NIN: variants seen among roughly 807,000 people sequenced by gnomAD.
NIN encodes the protein glycogen synthase kinase 3 beta-interacting protein.
NIN carries 137 observed loss-of-function variants against 257.6 expected under a neutral mutation model. The ratio of observed to expected loss-of-function variants is 0.53; its 90% CI spans 0.46 to 0.61. NIN has a LOEUF of 0.61. NIN is among the 20% of genes least tolerant of loss of function. NIN has a pLI of 0.00. For missense variants in NIN, 2,439 were observed against 2,501.2 expected (o/e 0.98, Z 0.53); for synonymous variants, 918 against 919.8 (o/e 1.00, Z 0.04).
chr14:50,754,306 C>T (rs567585026), intron 20 of NIN, among the ~76,000 whole-genome samples: 1 of 152,262 alleles, frequency 6.6e-6, no homozygotes, highest in East Asian at 1.9e-4. Context: ...TTAGAGGTAT[C>T]ACCTCCTCAA....
intron 5 of NIN, among the ~76,000 whole-genome samples, chr14:50,786,003 G>A (rs1481839404): frequency 6.6e-6 from 1 of 152,194 alleles, no homozygotes; most frequent in Non-Finnish European, 1.5e-5. Flanking sequence ...ACAAGTGCAT[G>A]CGGGGGATGA....
intron 25 of NIN, among the ~76,000 whole-genome samples, chr14:50,740,370 A>T (rs2041220826): frequency 6.8e-6 from 1 of 147,144 alleles, no homozygotes; most frequent in Non-Finnish European, 1.5e-5. Context: ...TTTTTTTGAG[A>T]CAAAGTCTAG....
intron 29 of NIN, among the ~76,000 whole-genome samples, chr14:50,726,920 T>C (rs2040434145): frequency 6.6e-6 from 1 of 152,178 alleles, no homozygotes; most frequent in Non-Finnish European, 1.5e-5. Flanking sequence ...AGTCAAAGGC[T>C]ACCATCTGTT....
In NIN at chr14:50,759,496, CTT is replaced by C. The variant is rs35589008; in HGVS notation, c.2399+359_2399+360del. Among the ~76,000 whole-genome samples, 236 of 142,358 alleles carry C rather than the reference CTT, an allele frequency of 1.7e-3. 1 individual carries two copies. In the South Asian group the frequency reaches 0.034, roughly 21 times the overall value. The allele number at this position is 142,358 out of a possible 152,430, so 93.4% of individuals were successfully genotyped here. ...CTTCAAGTCTCTTAAGCGACTGGCA[CTT>C]TTTTTTTTTTTTTGAGACGGAGTCT... On this transcript the variant is annotated intron_variant, in intron 17 of 30. Transcript: ENST00000530997.
Position 50,757,989 on chromosome 14 carries a change from C to A in NIN, c.3041G>T (p.Arg1014Ile), listed in dbSNP as rs1405005195. 1 of 1,614,080 alleles carries A rather than the reference C, an allele frequency of 6.2e-7. No individual in the cohort carries two copies. Among genetic ancestry groups the A allele is most frequent in the African/African-American group, 1.3e-5 (1 of 74,938 alleles). The change falls in exon 18 of 31, where the codon AGA becomes ATA. Residue 1014 changes from arginine (R) to isoleucine (I), a missense_variant. Physicochemically the swap from Arg to Ile is moderately conservative, Grantham distance 97. Transcript: ENST00000530997. ...ERAEMSTEIS[R>I]LQSKIKEMQQ... ...CATTTCCTTTATTTTACTCTGAAGT[C>A]TGGAGATTTCTGTGCTCATCTCGGC...
intron 5 of NIN, among the ~76,000 whole-genome samples, chr14:50,779,757 CAAAA>C (rs556080164): frequency 1.0e-5 from 1 of 95,756 alleles, no homozygotes; most frequent in South Asian, 3.3e-4. Context: ...GACTCCGTCT[CAAAA>C]AAAAAAAAAG....
In NIN at chr14:50,725,694, GT is replaced by G. The variant is rs199540098; in HGVS notation, c.6192+258del. On this transcript the variant is annotated intron_variant, in intron 30 of 30. Coordinates refer to ENST00000530997, the MANE Select transcript of NIN (RefSeq NM_020921.4). ...TTGATCTTTAAAATCTTAGGTCCAT[GT>G]AAATCATGTTAGCAAAGATTTACAC... 1,143 of 565,664 alleles carry G rather than the reference GT, an allele frequency of 2.0e-3. 13 individuals carry two copies. Among genetic ancestry groups the G allele is most frequent in the African/African-American group, 0.019 (1,027 of 53,516 alleles). 35.0% of individuals were successfully genotyped at this position (565,664 alleles called of 1,614,324 possible).
At chr14:50,768,465 G>A (rs780244387) in intron 12 of NIN, among the ~76,000 whole-genome samples, 1 of 152,158 alleles carries the variant, frequency 6.6e-6, no homozygotes, top group Non-Finnish European at 1.5e-5. Context: ...TGACCCAGTA[G>A]GAAATGTGCT....
intron 3 of NIN, among the ~76,000 whole-genome samples, chr14:50,810,113 C>T (rs916047778): frequency 3.3e-5 from 5 of 151,998 alleles, no homozygotes; most frequent in African/African-American, 1.2e-4. Flanking sequence ...CGCCTGTAGT[C>T]CCAGCTACTC....
At position 50,772,822 on chromosome 14, in the gene NIN, T is replaced by C. The variant is rs573423059; in HGVS notation, c.813+127A>G. On this transcript the variant is annotated intron_variant, in intron 8 of 30. Transcript: ENST00000530997. ...TTCCTTCCTAATGGTTAAGTCTTTCTAATTCTTCTTTTGCTTCCCTCTCTT... is the reference window on the plus strand; with the variant it reads ...TTCCTTCCTAATGGTTAAGTCTTTCCAATTCTTCTTTTGCTTCCCTCTCTT... The C allele has an allele frequency of 1.1e-5, 9 of 800,888 alleles. No homozygotes were observed. In the African/African-American group the frequency reaches 1.4e-4, roughly 12 times the overall value. 49.6% of individuals were successfully genotyped at this position (800,888 alleles called of 1,614,324 possible). A position where few individuals can be genotyped will look rare whatever the true frequency, so the allele number is the denominator to read the frequency against.
Position 50,759,820 on chromosome 14 carries a change from G to A in NIN, c.2399+37C>T, listed in dbSNP as rs374348175. 90 of 1,565,504 alleles carry A rather than the reference G, an allele frequency of 5.7e-5. No homozygotes were observed. The South Asian group carries it at 8.5e-4, about 15-fold the overall frequency. ...GGCACTTCTAATGCCCCGAGGGATG[G>A]TGCCCCAGGTAGCTTCATTTCCCTT... On this transcript the variant is annotated intron_variant, in intron 17 of 30. Coordinates refer to ENST00000530997, the MANE Select transcript of NIN (RefSeq NM_020921.4).
rs752750600 is a variant in NIN at position 50,758,191 on chromosome 14, C to G, written c.2839G>C (p.Glu947Gln). 1 of 1,614,222 alleles carries G rather than the reference C, an allele frequency of 6.2e-7. No homozygotes were observed. Among genetic ancestry groups the G allele is most frequent in the Admixed American group, 1.7e-5 (1 of 60,028 alleles). ...ILELKSSHKRELREREEVLCQ... is the reference protein window; with the variant it reads ...ILELKSSHKRQLREREEVLCQ... ...AGGACCTCCTCACGCTCCCTCAGTT[C>G]CCTTTTGTGACTGCTCTTCAGCTCA... The change falls in exon 18 of 31, where the codon GAA (glutamate) becomes CAA (glutamine). Residue 947 changes from glutamate (E) to glutamine (Q), a missense_variant. This residue lies in a region of NIN where 2,043 missense variants were observed against 2,050.2 expected (regional missense o/e 1.00). Transcript: ENST00000530997.
intron 15 of NIN, among the ~76,000 whole-genome samples, chr14:50,763,356 C>T (rs2042346021): frequency 6.6e-6 from 1 of 152,220 alleles, no homozygotes; most frequent in African/African-American, 2.4e-5. Flanking sequence ...CTTCTTTGTT[C>T]TGCTGAGGCA....
At chr14:50,727,181 A>T (rs1566772449) in intron 29 of NIN, 3 of 757,794 alleles carry the variant, frequency 4.0e-6, no homozygotes, top group Non-Finnish European at 4.9e-6. Context: ...GATAATTCAA[A>T]GAACATAGAG....
At chr14:50,786,708 G>C (rs2043363895) in intron 5 of NIN, among the ~76,000 whole-genome samples, 1 of 152,028 alleles carries the variant, frequency 6.6e-6, no homozygotes, top group Non-Finnish European at 1.5e-5. Flanking sequence ...AAAACTGTTT[G>C]CTTTGTCAAA....
intron 5 of NIN, among the ~76,000 whole-genome samples, chr14:50,789,328 A>C (rs2043480572): frequency 6.6e-6 from 1 of 151,452 alleles, no homozygotes; most frequent in Non-Finnish European, 1.5e-5. Flanking sequence ...TAATCCCAGC[A>C]CTTTGGGAGG....
chr14:50,741,490 A>C (rs1377347698), intron 25 of NIN, 92 bp downstream of exon 25: 2 of 938,418 alleles, frequency 2.1e-6, no homozygotes, highest in Admixed American at 2.6e-5. Flanking sequence ...TTATATGTAC[A>C]TACATATACA....
intron 2 of NIN, among the ~76,000 whole-genome samples, chr14:50,823,827 T>A (rs1443757809): frequency 6.6e-6 from 1 of 152,244 alleles, no homozygotes. Context: ...CTAATCACTA[T>A]GTAAATGTTT....
chr14:50,749,441 C>T (rs955173601), intron 21 of NIN, among the ~76,000 whole-genome samples: 2 of 152,156 alleles, frequency 1.3e-5, no homozygotes, highest in African/African-American at 4.8e-5. Context: ...TTGCATGTTT[C>T]TCCACTGTAA....
Sources: gnomAD v4.1 joint callset for allele counts (sites outside exome capture counted in the v4.1 genomes callset) on GRCh38, gnomAD v4.1.1 for gene constraint, gnomAD v4.1.1 regional missense constraint, MANE v1.5 for transcripts, NCBI Gene and HGNC (gene_info 2026-07-23, HGNC 2026-07-21) for gene names.